The following SRGAP3 variants were observed in gnomAD, a reference collection of about 807,000 sequenced individuals.
SRGAP3 encodes the protein SLIT-ROBO Rho GTPase activating protein 3, also known as SLIT-ROBO Rho GTPase-activating protein 3.
In SRGAP3, 39 loss-of-function variants were observed where a neutral mutation model predicts 121.1. The ratio of observed to expected loss-of-function variants is 0.32; its 90% CI spans 0.25 to 0.42. The LOEUF is 0.42. SRGAP3 is among the 10% of genes least tolerant of loss of function. The probability of loss-of-function intolerance (pLI) is 1.00; values close to 1 mark genes in which losing one functional copy is unlikely to be tolerated. For synonymous variants in SRGAP3, 601 were observed against 570.0 expected, an observed-to-expected ratio of 1.05 and a Z score of -0.77; for missense variants, 1,213 against 1,470.6, an observed-to-expected ratio of 0.82 and a Z score of 2.86.
At chr3:8,989,970 A>G (rs59696058) in intron 21 of SRGAP3, among the ~76,000 whole-genome samples, 6,879 of 152,248 alleles carry the variant, frequency 0.045, 504 homozygotes, top group African/African-American at 0.15. Flanking sequence ...CATTCCTTAA[A>G]GGCACCCAAC....
chr3:9,208,812 C>T lies in SRGAP3; in HGVS notation c.67+40073G>A, dbSNP rs968382742. The stretch of plus-strand genomic sequence containing the variant: ...CTGCTGTATGATGTTGAGCAAGTTG[C>T]TGTCAAAGTCCAGTGTCATTTTCCA... On this transcript the variant is annotated intron_variant, in intron 1 of 21. Coordinates refer to ENST00000383836, the MANE Select transcript of SRGAP3 (RefSeq NM_014850.4). 2.0e-5 allele frequency among the ~76,000 whole-genome samples: 3 copies of T among 152,204 alleles called. No individual in the cohort carries two copies. The East Asian group carries it at 5.8e-4, about 29-fold the overall frequency.
chr3:9,192,090 T>C (rs1951769745), intron 1 of SRGAP3, among the ~76,000 whole-genome samples: 1 of 152,194 alleles, frequency 6.6e-6, no homozygotes, highest in Non-Finnish European at 1.5e-5. Context: ...AATGCAAGAA[T>C]GGCCTAATAC....
chr3:9,248,651 C>CA (rs562816534), intron 1 of SRGAP3, among the ~76,000 whole-genome samples: 1 of 152,208 alleles, frequency 6.6e-6, no homozygotes, highest in South Asian at 2.1e-4. Context: ...CACACACCTG[C>CA]AATGCAGAGA....
chr3:9,160,654 G>A (rs1468339208), intron 1 of SRGAP3, among the ~76,000 whole-genome samples: 1 of 152,214 alleles, frequency 6.6e-6, no homozygotes, highest in Non-Finnish European at 1.5e-5. Flanking sequence ...TGTGTCATAT[G>A]AGAAGTGTTT....
chr3:9,310,525 C>T (rs1448179957), intron 3 of SRGAP3, among the ~76,000 whole-genome samples: 2 of 152,008 alleles, frequency 1.3e-5, no homozygotes, highest in African/African-American at 4.8e-5. Context: ...GAGATGTTTG[C>T]CAGTGCTTCT....
chr3:9,013,932 A>G, intron 15 of SRGAP3, 90 bp from the exon 16 acceptor site: 1 of 1,194,246 alleles, frequency 8.4e-7, no homozygotes, highest in Non-Finnish European at 1.2e-6. Flanking sequence ...ATATCAACCC[A>G]CGTGGATGGG....
chr3:9,207,109 A>G (rs1952291944), intron 1 of SRGAP3, among the ~76,000 whole-genome samples: 1 of 152,150 alleles, frequency 6.6e-6, no homozygotes, highest in African/African-American at 2.4e-5. Context: ...GAAATTAGGA[A>G]AGTCCCAGGC....
intron 1 of SRGAP3, among the ~76,000 whole-genome samples, chr3:9,187,178 G>A (rs563242809): frequency 2.2e-5 from 3 of 139,224 alleles, no homozygotes; most frequent in African/African-American, 8.1e-5. Context: ...TGTTCTCATC[G>A]TTCAACTCCC....
chr3:9,236,481 G>A (rs1953412772), intron 1 of SRGAP3, among the ~76,000 whole-genome samples: 1 of 152,162 alleles, frequency 6.6e-6, no homozygotes, highest in South Asian at 2.1e-4. Context: ...CAGGGGGATG[G>A]ATCCTTCATG....
chr3:9,096,937 GTATATATATATATATATATATATA>G (rs58305278), intron 3 of SRGAP3, among the ~76,000 whole-genome samples: 911 of 61,342 alleles, frequency 0.015, 25 homozygotes, highest in Admixed American at 0.022. Flanking sequence ...ACATTATTTT[GTATATATATATATATATATATATA>G]TATATATATA....
intron 1 of SRGAP3, among the ~76,000 whole-genome samples, chr3:9,199,179 A>C (rs1951997120): frequency 6.6e-6 from 1 of 152,302 alleles, no homozygotes; most frequent in Middle Eastern, 3.4e-3. Context: ...TATCAGAGTT[A>C]CTTAATTCTG....
intron 4 of SRGAP3, among the ~76,000 whole-genome samples, chr3:9,077,907 C>A (rs73150023): frequency 6.6e-6 from 1 of 152,210 alleles, no homozygotes; most frequent in African/African-American, 2.4e-5. Flanking sequence ...CAAGGCCACA[C>A]AGCTGGGTTC....
chr3:9,201,671 G>C (rs998945839), intron 1 of SRGAP3, among the ~76,000 whole-genome samples: 3 of 152,196 alleles, frequency 2.0e-5, no homozygotes, highest in African/African-American at 7.2e-5. Context: ...CCAATGACTT[G>C]GCGTTTGTCA....
At chr3:8,986,519 G>A (rs1291358457) in intron 21 of SRGAP3, among the ~76,000 whole-genome samples, 1 of 152,320 alleles carries the variant, frequency 6.6e-6, no homozygotes, top group East Asian at 1.9e-4. Flanking sequence ...ATGTCACACA[G>A]GAGGAAACTG....
Position 9,104,735 on chromosome 3 carries a change from T to C in SRGAP3, c.368A>G (p.Asn123Ser), listed in dbSNP as rs144445915. 1.2e-6 allele frequency: 2 copies of C among 1,614,230 alleles called. No individual in the cohort carries two copies. The highest frequency in any genetic ancestry group is 1.3e-5 in the African/African-American group (1 of 75,058). The stretch of plus-strand genomic sequence containing the variant: ...GATCTGGGAGAGGCGGACGATGACA[T>C]TGTTCATGAAGATGTCATTGAGGGT... ...HATLNDIFMN[N>S]VIVRLSQISE... Residue 123 changes from asparagine (N) to serine (S), a missense_variant, in exon 3 of 22, where the codon AAT becomes AGT. By Grantham distance (46) the Asn-to-Ser change is conservative. Around this residue, in one of 2 missense-constraint regions of SRGAP3, gnomAD observed 793 missense variants for 1,032.9 expected, o/e 0.77. Transcript: ENST00000383836.
At chr3:9,251,127 G>C (rs1954005153), upstream of SRGAP3, among the ~76,000 whole-genome samples, 1 of 152,172 alleles carries the variant, frequency 6.6e-6, no homozygotes, top group African/African-American at 2.4e-5. Flanking sequence ...GCGTCCCCAG[G>C]CAAGTATGGC....
intron 1 of SRGAP3, among the ~76,000 whole-genome samples, chr3:9,182,714 C>T (rs1226567692): frequency 1.3e-5 from 2 of 152,072 alleles, no homozygotes; most frequent in Admixed American, 6.5e-5. Context: ...AGTACAGTGG[C>T]ACAATCACAG....
At chr3:9,262,283 A>G (rs139014897) in intron 3 of SRGAP3, among the ~76,000 whole-genome samples, 14 of 152,280 alleles carry the variant, frequency 9.2e-5, no homozygotes, top group Non-Finnish European at 2.1e-4. Context: ...CCACAACACT[A>G]TGAAGAAACT....
intron 1 of SRGAP3, among the ~76,000 whole-genome samples, chr3:9,333,202 G>T (rs759538008): frequency 6.6e-6 from 1 of 152,106 alleles, no homozygotes; most frequent in Non-Finnish European, 1.5e-5. Context: ...CAGACTCACT[G>T]GTATAAAGCT....
Sources: gnomAD v4.1 joint callset for allele counts (sites outside exome capture counted in the v4.1 genomes callset) on GRCh38, gnomAD v4.1.1 for gene constraint, gnomAD v4.1.1 regional missense constraint, MANE v1.5 for transcripts, NCBI Gene and HGNC (gene_info 2026-07-23, HGNC 2026-07-21) for gene names.